Variants in DLG2 observed in about 807,000 individuals in gnomAD.
DLG2 encodes the protein discs large MAGUK scaffold protein 2, also known as disks large homolog 2.
Under a neutral mutation model 132.5 loss-of-function variants are expected in DLG2, and 45 were observed. That is an observed-to-expected ratio of 0.34 (90% CI 0.27 to 0.44). The LOEUF is 0.44. Among genes scored for constraint, DLG2 ranks in the 20% least tolerant of loss-of-function variants. DLG2 has a pLI of 1.00. For missense variants in DLG2, 1,045 were observed against 1,196.9 expected (o/e 0.87, Z 1.87); for synonymous variants, 424 against 419.6 (o/e 1.01, Z -0.13).
intron 6 of DLG2, among the ~76,000 whole-genome samples, chr11:84,806,691 A>C (rs562885945): frequency 6.6e-6 from 1 of 152,322 alleles, no homozygotes; most frequent in East Asian, 1.9e-4. Context: ...CTAGAGAAAG[A>C]TTTCTAAACA....
chr11:84,650,849 A>ATGTGTGTGTG (rs138640341), intron 6 of DLG2, among the ~76,000 whole-genome samples: 3 of 92,728 alleles, frequency 3.2e-5, no homozygotes, highest in African/African-American at 1.2e-4. Flanking sequence ...ACTTTCCTGT[A>ATGTGTGTGTG]TGTGTGTGTG....
rs963038916 is a variant in DLG2 at position 84,524,856 on chromosome 11, T to A, written c.519+9714A>T. The stretch of plus-strand genomic sequence containing the variant: ...TGTAACTCATAGGGTATTTCTTTTT[T>A]TTTTTTTTTTAAATTAATCAAATAC... On this transcript the variant is annotated intron_variant, in intron 7 of 27. Coordinates refer to ENST00000376104, the MANE Select transcript of DLG2 (RefSeq NM_001142699.3). 2.6e-5 allele frequency among the ~76,000 whole-genome samples: 4 copies of A among 152,026 alleles called. No individual in the cohort carries two copies. In the South Asian group the frequency reaches 6.2e-4, roughly 24 times the overall value.
rs527952846 is a variant in DLG2, at chr11:83,980,293, T to C, written c.1056+213A>G. On this transcript the variant is annotated intron_variant, in intron 12 of 27. Coordinates refer to ENST00000376104, the MANE Select transcript of DLG2 (RefSeq NM_001142699.3). ...AGGACACAGTGAGAAGGTGGCCACC[T>C]GCAAGTCAGGAAGAGAGCCCTCACC... 3.9e-5 allele frequency among the ~76,000 whole-genome samples: 6 copies of C among 152,280 alleles called. 1 individual carries two copies. In the South Asian group the frequency reaches 1.2e-3, roughly 32 times the overall value.
At chr11:84,420,737 C>T (rs1321925502) in intron 7 of DLG2, among the ~76,000 whole-genome samples, 17 of 124,912 alleles carry the variant, frequency 1.4e-4, no homozygotes, top group Admixed American at 4.2e-4. Flanking sequence ...GGCGGGATCT[C>T]GGCTCACTGC....
At chr11:85,504,429 A>G (rs1475108323) in intron 3 of DLG2, among the ~76,000 whole-genome samples, 1 of 152,198 alleles carries the variant, frequency 6.6e-6, no homozygotes, top group Non-Finnish European at 1.5e-5. Context: ...CTTTCTACAT[A>G]TGGCTAGCCA....
chr11:85,552,116 C>T (rs2455906), intron 3 of DLG2, among the ~76,000 whole-genome samples: 1 of 146,106 alleles, frequency 6.8e-6, no homozygotes, highest in Non-Finnish European at 1.5e-5. Context: ...AAAAAAAAGG[C>T]TTCAGCATGC....
intron 7 of DLG2, among the ~76,000 whole-genome samples, chr11:84,480,301 G>A (rs1422487370): frequency 6.6e-6 from 1 of 152,090 alleles, no homozygotes; most frequent in Non-Finnish European, 1.5e-5. Flanking sequence ...GACTTTCTGA[G>A]GCTCATGAGA....
At chr11:84,840,057 A>G (rs1159565194) in intron 6 of DLG2, among the ~76,000 whole-genome samples, 2 of 152,146 alleles carry the variant, frequency 1.3e-5, no homozygotes, top group Non-Finnish European at 2.9e-5. Context: ...CAGGCAACCT[A>G]CAGAATGGGA....
At chr11:85,446,069 AAG>A in intron 3 of DLG2, among the ~76,000 whole-genome samples, 1 of 152,224 alleles carries the variant, frequency 6.6e-6, no homozygotes, top group East Asian at 1.9e-4. Flanking sequence ...CTTTAAGTAA[AAG>A]AGCAAATTTT....
At chr11:83,603,121 T>G (rs560659279) in intron 19 of DLG2, among the ~76,000 whole-genome samples, 2 of 152,004 alleles carry the variant, frequency 1.3e-5, no homozygotes, top group African/African-American at 2.4e-5. Context: ...GGGAGAGAGA[T>G]AGATCGCATA....
intron 5 of DLG2, among the ~76,000 whole-genome samples, chr11:85,112,477 G>T (rs2072926461): frequency 6.6e-6 from 1 of 152,052 alleles, no homozygotes; most frequent in South Asian, 2.1e-4. Flanking sequence ...TAGTCCAAAA[G>T]GGGGGGAAAG....
chr11:85,253,702 C>T (rs1051731282), intron 4 of DLG2, among the ~76,000 whole-genome samples: 28 of 152,046 alleles, frequency 1.8e-4, no homozygotes, highest in African/African-American at 5.3e-4. Flanking sequence ...TCATGGCACC[C>T]GAGTTCTTGT....
chr11:85,402,209 C>T (rs1239831366), intron 3 of DLG2, among the ~76,000 whole-genome samples: 1 of 151,812 alleles, frequency 6.6e-6, no homozygotes, highest in Admixed American at 6.6e-5. Context: ...CCATCTGGTC[C>T]TTGACAAACC....
chr11:84,175,442 C>T (rs974148228), intron 8 of DLG2, among the ~76,000 whole-genome samples: 2 of 152,068 alleles, frequency 1.3e-5, no homozygotes, highest in African/African-American at 4.8e-5. Context: ...TGCTGTATAT[C>T]TTTAAAATCC....
intron 6 of DLG2, among the ~76,000 whole-genome samples, chr11:84,831,334 C>A (rs1428945203): frequency 6.6e-6 from 1 of 151,520 alleles, no homozygotes; most frequent in Non-Finnish European, 1.5e-5. Flanking sequence ...TATCTACTCA[C>A]CCCCTCCTCC....
intron 6 of DLG2, among the ~76,000 whole-genome samples, chr11:85,015,049 G>C (rs1350109643): frequency 6.6e-6 from 1 of 152,078 alleles, no homozygotes; most frequent in Non-Finnish European, 1.5e-5. Context: ...TCTTGACTCA[G>C]AATAATGGTG....
intron 6 of DLG2, among the ~76,000 whole-genome samples, chr11:84,555,225 A>G (rs2099409604): frequency 6.6e-6 from 1 of 152,172 alleles, no homozygotes; most frequent in South Asian, 2.1e-4. Context: ...TGCAATAAAA[A>G]GCAGTATGGA....
At chr11:83,770,265 G>GTTTTTTTTGT (rs71066064) in intron 18 of DLG2, among the ~76,000 whole-genome samples, 1 of 128,772 alleles carries the variant, frequency 7.8e-6, no homozygotes, top group African/African-American at 3.3e-5. Context: ...GTTTTTTTTT[G>GTTTTTTTTGT]TTTTTTTGCT....
chr11:84,099,174 C>T (rs1196061735), intron 9 of DLG2, 127 bp from the exon 10 acceptor site: 1 of 792,444 alleles, frequency 1.3e-6, no homozygotes, highest in African/African-American at 1.7e-5. Flanking sequence ...TATGCTAAAT[C>T]ATAAAGTGCA....
Sources: gnomAD v4.1 joint callset for allele counts (sites outside exome capture counted in the v4.1 genomes callset) on GRCh38, gnomAD v4.1.1 for gene constraint, MANE v1.5 for transcripts, NCBI Gene and HGNC (gene_info 2026-07-23, HGNC 2026-07-21) for gene names.